Variants in PRKG1 observed in about 807,000 individuals in gnomAD.
PRKG1 encodes cGMP-dependent protein kinase 1.
In PRKG1, 35 loss-of-function variants were observed where a neutral mutation model predicts 88.1. The observed-to-expected ratio is 0.40, with a 90% confidence interval of 0.30 to 0.53. PRKG1 has a LOEUF of 0.53. Among genes scored for constraint, PRKG1 ranks in the 20% least tolerant of loss-of-function variants. PRKG1 has a pLI of 0.59. For missense variants in PRKG1, 540 were observed against 839.8 expected (o/e 0.64, Z 4.41); for synonymous variants, 303 against 292.5 (o/e 1.04, Z -0.37).
Position 51,901,151 on chromosome 10 carries a change from A to G in PRKG1, c.699-6356A>G, listed in dbSNP as rs116012906. 6.5e-3 allele frequency among the ~76,000 whole-genome samples: 984 copies of G among 152,208 alleles called. 11 individuals are homozygous for G. Among genetic ancestry groups the G allele is most frequent in the African/African-American group, 0.02 (835 of 41,484 alleles). On this transcript the variant is annotated intron_variant, in intron 4 of 17. Coordinates refer to ENST00000373980, the MANE Select transcript of PRKG1 (RefSeq NM_006258.4). ...CAAATGTCAACATAGTCATTCCAGG[A>G]TAAGCCTTAAGAGTCAAAAAGTTAT...
intron 9 of PRKG1, among the ~76,000 whole-genome samples, chr10:52,238,715 T>G (rs1198343666): frequency 6.7e-6 from 1 of 148,320 alleles, no homozygotes; most frequent in East Asian, 2.2e-4. Flanking sequence ...ACTTTTACAC[T>G]GTTGGTGGGA....
chr10:51,513,905 A>C (rs1401743654), intron 3 of PRKG1, among the ~76,000 whole-genome samples: 3 of 130,540 alleles, frequency 2.3e-5, no homozygotes, highest in Non-Finnish European at 4.7e-5. Context: ...GAAAGATCCA[A>C]AATTGACACC....
At chr10:51,601,955 C>G (rs7094162) in intron 3 of PRKG1, among the ~76,000 whole-genome samples, 1 of 151,348 alleles carries the variant, frequency 6.6e-6, no homozygotes, top group East Asian at 1.9e-4. Flanking sequence ...AAATTTTAAC[C>G]AGCTCCCATC....
chr10:51,950,557 G>A (rs1320606613), intron 5 of PRKG1, among the ~76,000 whole-genome samples: 3 of 152,252 alleles, frequency 2.0e-5, no homozygotes, highest in Non-Finnish European at 4.4e-5. Flanking sequence ...GCGGGATCTG[G>A]CTGGCCATTC....
At chr10:51,998,507 A>T (rs1844511006) in intron 5 of PRKG1, among the ~76,000 whole-genome samples, 1 of 152,100 alleles carries the variant, frequency 6.6e-6, no homozygotes, top group Non-Finnish European at 1.5e-5. Context: ...AGATGTTTTT[A>T]AATATTTTAT....
At chr10:51,997,090 AG>A (rs1341761555) in intron 5 of PRKG1, among the ~76,000 whole-genome samples, 1 of 1,906 alleles carries the variant, frequency 5.2e-4, no homozygotes, top group African/African-American at 3.0e-3. Context: ...ATAGAGAGCA[AG>A]AATGTTGATT....
intron 2 of PRKG1, among the ~76,000 whole-genome samples, chr10:51,240,671 G>A (rs57949328): frequency 3.7e-4 from 56 of 152,188 alleles, no homozygotes; most frequent in African/African-American, 1.3e-3. Flanking sequence ...ATCCTGCAGG[G>A]ACCTGTAAAA....
chr10:51,568,864 T>A (rs1837675929), intron 3 of PRKG1: 2 of 152,060 alleles, frequency 1.3e-5, no homozygotes, highest in Admixed American at 1.3e-4. Flanking sequence ...CTTGTAATGA[T>A]CAGGGATGGT....
At chr10:51,964,864 A>G (rs7085893) in intron 5 of PRKG1, among the ~76,000 whole-genome samples, 7,361 of 152,242 alleles carry the variant, frequency 0.048, 431 homozygotes, top group African/African-American at 0.14. Flanking sequence ...GTGTCCTACA[A>G]TGGCATTCAA....
At chr10:51,966,453 T>C (rs1329633571) in intron 5 of PRKG1, among the ~76,000 whole-genome samples, 1 of 152,222 alleles carries the variant, frequency 6.6e-6, no homozygotes, top group Non-Finnish European at 1.5e-5. Flanking sequence ...ATGTCATAAA[T>C]GGCATGTCCT....
chr10:52,110,316 T>C (rs963592356), intron 7 of PRKG1, among the ~76,000 whole-genome samples: 1 of 151,972 alleles, frequency 6.6e-6, no homozygotes, highest in Non-Finnish European at 1.5e-5. Flanking sequence ...TGCGTGAAAG[T>C]GCGAGACTCC....
chr10:51,140,088 C>T (rs529934710), intron 1 of PRKG1, among the ~76,000 whole-genome samples: 1 of 152,300 alleles, frequency 6.6e-6, no homozygotes, highest in Admixed American at 6.5e-5. Flanking sequence ...CTTTGAGCAC[C>T]TTTCCTTTAG....
intron 3 of PRKG1, among the ~76,000 whole-genome samples, chr10:51,527,403 T>C (rs1298202690): frequency 1.3e-5 from 2 of 152,020 alleles, no homozygotes; most frequent in Non-Finnish European, 2.9e-5. Context: ...AGACATTAGG[T>C]GCTACAAGAG....
At chr10:51,796,889 T>G (rs138506471) in intron 3 of PRKG1, among the ~76,000 whole-genome samples, 1 of 152,196 alleles carries the variant, frequency 6.6e-6, no homozygotes, top group African/African-American at 2.4e-5. Context: ...AATACCCGCT[T>G]ATGTGTCTAT....
At chr10:52,138,347 T>C (rs1029621813) in intron 8 of PRKG1, among the ~76,000 whole-genome samples, 6 of 152,162 alleles carry the variant, frequency 3.9e-5, no homozygotes, top group African/African-American at 1.4e-4. Flanking sequence ...TCTGATAATG[T>C]CAAGCTAAAA....
At chr10:51,350,559 G>C (rs1352393106) in intron 2 of PRKG1, among the ~76,000 whole-genome samples, 1 of 152,140 alleles carries the variant, frequency 6.6e-6, no homozygotes, top group Non-Finnish European at 1.5e-5. Context: ...ACTCAACATA[G>C]TACTGGAAGT....
Position 51,074,620 on chromosome 10 carries a change from G to A in PRKG1, c.30G>A (p.Ala10=), listed in dbSNP as rs768867882. 131 of 1,613,392 alleles carry A rather than the reference G, an allele frequency of 8.1e-5. No individual in the cohort carries two copies. Among genetic ancestry groups the A allele is most frequent in the Middle Eastern group, 3.3e-4 (2 of 6,014 alleles). Residue 10 remains alanine (A), a synonymous_variant, in exon 1 of 18, where the codon GCG becomes GCA. Transcript: ENST00000373980. ...GCACCTTGCGGGATTTACAGTACGC[G>A]CTCCAGGAGAAGATCGAGGAGCTGA... MGTLRDLQY[A]LQEKIEELRQ...
chr10:51,750,571 C>T (rs1341115436), intron 3 of PRKG1, among the ~76,000 whole-genome samples: 1 of 152,170 alleles, frequency 6.6e-6, no homozygotes. Flanking sequence ...TAGGCGTTTA[C>T]TGTTTCAGGC....
chr10:51,626,961 C>A (rs1401049272), intron 3 of PRKG1, among the ~76,000 whole-genome samples: 2 of 152,022 alleles, frequency 1.3e-5, no homozygotes, highest in Non-Finnish European at 2.9e-5. Context: ...TTTATGAAAA[C>A]CTACCATAGT....
Sources: allele counts gnomAD v4.1 joint callset (sites outside exome capture counted in the v4.1 genomes callset), GRCh38; gene constraint gnomAD v4.1.1; transcripts MANE v1.5; gene names NCBI Gene and HGNC (gene_info 2026-07-23, HGNC 2026-07-21).